SETBP1: variants seen among roughly 807,000 people sequenced by gnomAD.
The protein encoded by SETBP1 is SET binding protein 1, also known as SET-binding protein.
In SETBP1, 9 loss-of-function variants were observed where a neutral mutation model predicts 101.0. That is an observed-to-expected ratio of 0.09 (90% confidence interval 0.05 to 0.16). The LOEUF (loss-of-function observed/expected upper bound fraction) is 0.16. SETBP1 is among the 10% of genes least tolerant of loss of function. The probability of loss-of-function intolerance (pLI) is 1.00; values close to 1 mark genes in which losing one functional copy is unlikely to be tolerated. For synonymous variants in SETBP1, 818 were observed against 788.5 expected, an observed-to-expected ratio of 1.04 and a Z score of -0.63; for missense variants, 1,858 against 2,033.8, an observed-to-expected ratio of 0.91 and a Z score of 1.66.
rs540264487 is a variant in SETBP1 at position 44,989,212 on chromosome 18, A to C, written c.4000+35872A>C. 2.0e-5 allele frequency: 3 copies of C among 152,336 alleles called. No individual in the cohort carries two copies. The East Asian group carries it at 5.8e-4, about 29-fold the overall frequency. The allele number at this position is 152,336 out of a possible 1,614,324, so 9.4% of individuals were successfully genotyped here. The stretch of plus-strand genomic sequence containing the variant: ...GCTCAATATGTTTTAAAAAGTAAAG[A>C]AGAACATCAAAAGAATAAGTACAAC... On this transcript the variant is annotated intron_variant, in intron 4 of 5. Coordinates refer to ENST00000649279, the MANE Select transcript of SETBP1 (RefSeq NM_015559.3).
intron 2 of SETBP1, among the ~76,000 whole-genome samples, chr18:44,859,897 A>G (rs781190809): frequency 6.6e-6 from 1 of 152,208 alleles, no homozygotes; most frequent in Non-Finnish European, 1.5e-5. Context: ...ACCTGTAATC[A>G]TGATTAATTG....
intron 4 of SETBP1, among the ~76,000 whole-genome samples, chr18:44,960,187 G>A (rs114921222): frequency 0.013 from 2,048 of 152,102 alleles, 39 homozygotes; most frequent in African/African-American, 0.044. Flanking sequence ...ATGAGCCACC[G>A]TGACCAGCCC....
At chr18:44,711,750 C>T (rs1247700474) in intron 2 of SETBP1, among the ~76,000 whole-genome samples, 2 of 149,008 alleles carry the variant, frequency 1.3e-5, no homozygotes, top group African/African-American at 5.0e-5. Flanking sequence ...GCTATGTTGC[C>T]CAGGCTGGTC....
At chr18:44,852,695 A>AG (rs1003968826) in intron 2 of SETBP1, among the ~76,000 whole-genome samples, 1 of 152,206 alleles carries the variant, frequency 6.6e-6, no homozygotes, top group African/African-American at 2.4e-5. Context: ...CTGAATTTCA[A>AG]GCAAGTAAAA....
At chr18:44,790,274 A>G (rs1379501385) in intron 2 of SETBP1, among the ~76,000 whole-genome samples, 3 of 152,256 alleles carry the variant, frequency 2.0e-5, no homozygotes, top group South Asian at 2.1e-4. Flanking sequence ...CTGTTCGTCA[A>G]GAAGTACTAT....
chr18:45,002,411 G>A (rs1472659969), intron 4 of SETBP1, among the ~76,000 whole-genome samples: 1 of 151,404 alleles, frequency 6.6e-6, no homozygotes, highest in African/African-American at 2.4e-5. Flanking sequence ...TTACAACACA[G>A]GCCTGGTCCC....
At chr18:44,969,464 C>A (rs1353765717) in intron 4 of SETBP1, among the ~76,000 whole-genome samples, 1 of 152,188 alleles carries the variant, frequency 6.6e-6, no homozygotes, top group Non-Finnish European at 1.5e-5. Flanking sequence ...AAGCTTTTCC[C>A]TCCTTCCCAA....
intron 4 of SETBP1, among the ~76,000 whole-genome samples, chr18:44,995,383 T>C (rs1372859920): frequency 6.6e-6 from 1 of 152,084 alleles, no homozygotes; most frequent in Non-Finnish European, 1.5e-5. Context: ...CTTCGTGATC[T>C]GCCCACCTCG....
intron 4 of SETBP1, among the ~76,000 whole-genome samples, chr18:45,029,692 G>A (rs886973865): frequency 3.1e-4 from 47 of 152,286 alleles, no homozygotes; most frequent in African/African-American, 1.1e-3. Context: ...TCATTGAGCA[G>A]TGGTTTGTAG....
At chr18:44,918,352 G>C (rs564989104) in intron 3 of SETBP1, among the ~76,000 whole-genome samples, 1 of 152,176 alleles carries the variant, frequency 6.6e-6, no homozygotes, top group Non-Finnish European at 1.5e-5. Flanking sequence ...GACCTGGAGC[G>C]TAGGTTTCCC....
chr18:44,980,028 C>T (rs144253860), intron 4 of SETBP1, among the ~76,000 whole-genome samples: 1 of 152,158 alleles, frequency 6.6e-6, no homozygotes, highest in Admixed American at 6.5e-5. Context: ...GTCTGAATGT[C>T]GTGGTTAGAG....
intron 1 of SETBP1, among the ~76,000 whole-genome samples, chr18:44,692,242 A>C (rs992228804): frequency 1.3e-5 from 2 of 152,226 alleles, no homozygotes; most frequent in African/African-American, 4.8e-5. Flanking sequence ...CACACTTACT[A>C]AGGTGATCCC....
chr18:44,869,605 T>G (rs942186011), intron 3 of SETBP1: 5 of 364,216 alleles, frequency 1.4e-5, no homozygotes, highest in Non-Finnish European at 2.1e-5. Context: ...GAGGGTGGGT[T>G]GGGTTTGGGG....
At position 44,889,992 on chromosome 18, in the gene SETBP1, C is replaced by T. The variant is rs146735248; in HGVS notation, c.540+20709C>T. On this transcript the variant is annotated intron_variant, in intron 3 of 5. Coordinates refer to ENST00000649279, the MANE Select transcript of SETBP1 (RefSeq NM_015559.3). Reference sequence around the variant, plus strand: ...TAAAATTGTACGTATTTATGATGTACGACATGATGTTTTGATATATGCATC... The same window carrying T: ...TAAAATTGTACGTATTTATGATGTATGACATGATGTTTTGATATATGCATC... 4.3e-3 allele frequency among the ~76,000 whole-genome samples: 661 copies of T among 152,148 alleles called. 4 individuals carry two copies. The highest frequency in any genetic ancestry group is 7.0e-3 in the Non-Finnish European group (478 of 67,996).
intron 4 of SETBP1, among the ~76,000 whole-genome samples, chr18:44,968,153 T>A (rs990373752): frequency 6.6e-6 from 1 of 152,228 alleles, no homozygotes; most frequent in Admixed American, 6.5e-5. Context: ...ATTGGTTGGA[T>A]TTAGGTACAC....
chr18:44,803,186 G>C (rs2071644661), intron 2 of SETBP1, among the ~76,000 whole-genome samples: 1 of 152,118 alleles, frequency 6.6e-6, no homozygotes, highest in Non-Finnish European at 1.5e-5. Flanking sequence ...TGAAAGTGCT[G>C]TTCTGTTATA....
chr18:44,813,880 C>A (rs929812460), intron 2 of SETBP1, among the ~76,000 whole-genome samples: 3 of 152,170 alleles, frequency 2.0e-5, no homozygotes, highest in Non-Finnish European at 4.4e-5. Flanking sequence ...GTTGTTAACC[C>A]TGGAACCTCC....
chr18:44,840,388 C>A (rs2072592500), intron 2 of SETBP1, among the ~76,000 whole-genome samples: 2 of 152,232 alleles, frequency 1.3e-5, no homozygotes, highest in African/African-American at 4.8e-5. Context: ...AGTGGCATAG[C>A]ACACCTCTTT....
chr18:44,726,157 C>A (rs1347035212), intron 2 of SETBP1, among the ~76,000 whole-genome samples: 1 of 152,194 alleles, frequency 6.6e-6, no homozygotes, highest in Non-Finnish European at 1.5e-5. Context: ...GAAACCCTTA[C>A]ATAATTTTTA....
Sources: gnomAD v4.1 joint callset for allele counts (sites outside exome capture counted in the v4.1 genomes callset) on GRCh38, gnomAD v4.1.1 for gene constraint, MANE v1.5 for transcripts, NCBI Gene and HGNC (gene_info 2026-07-23, HGNC 2026-07-21) for gene names.